KCND3: variants seen among roughly 807,000 people sequenced by gnomAD.
KCND3 encodes the protein potassium voltage-gated channel subfamily D member 3, also known as A-type voltage-gated potassium channel KCND3.
A neutral mutation model predicts 51.1 loss-of-function variants in KCND3; 9 were observed. The ratio of observed to expected loss-of-function variants is 0.18; its 90% CI spans 0.11 to 0.31. The LOEUF (loss-of-function observed/expected upper bound fraction) is 0.31. Among genes scored for constraint, KCND3 ranks in the 10% least tolerant of loss-of-function variants. KCND3 has a pLI of 1.00. For missense variants in KCND3, 526 were observed against 903.8 expected (o/e 0.58, Z 5.36); for synonymous variants, 349 against 368.0 (o/e 0.95, Z 0.59).
intron 2 of KCND3, among the ~76,000 whole-genome samples, chr1:111,857,285 G>C (rs779726220): frequency 6.6e-6 from 1 of 152,206 alleles, no homozygotes; most frequent in Non-Finnish European, 1.5e-5. Flanking sequence ...GCAGCCCTGG[G>C]CGTGGGGTCA....
chr1:111,959,798 G>T (rs185231862), intron 2 of KCND3, among the ~76,000 whole-genome samples: 26 of 152,184 alleles, frequency 1.7e-4, no homozygotes, highest in African/African-American at 6.3e-4. Flanking sequence ...ACAGTGAAAT[G>T]GTCTCACAGC....
chr1:111,847,489 C>G (rs79047514), intron 2 of KCND3, among the ~76,000 whole-genome samples: 2,284 of 152,132 alleles, frequency 0.015, 62 homozygotes, highest in African/African-American at 0.052. Flanking sequence ...CAGGGCAGCC[C>G]AGAATGCCAT....
At chr1:111,836,411 G>A (rs1324257824) in intron 2 of KCND3, among the ~76,000 whole-genome samples, 1 of 152,206 alleles carries the variant, frequency 6.6e-6, no homozygotes, top group Non-Finnish European at 1.5e-5. Context: ...ACTTTACAAA[G>A]AATCTTCTCA....
chr1:111,911,463 A>G (rs1258790560), intron 2 of KCND3, among the ~76,000 whole-genome samples: 1 of 152,248 alleles, frequency 6.6e-6, no homozygotes, highest in African/African-American at 2.4e-5. Context: ...ACAAGGGTGT[A>G]GTATAACAAA....
intron 2 of KCND3, among the ~76,000 whole-genome samples, chr1:111,831,396 A>T (rs1025199634): frequency 1.3e-4 from 20 of 152,148 alleles, no homozygotes; most frequent in African/African-American, 4.8e-4. Flanking sequence ...GTTGTTTAAA[A>T]GTGTGTAGCA....
At chr1:111,809,525 G>A (rs986571906) in intron 2 of KCND3, among the ~76,000 whole-genome samples, 4 of 152,064 alleles carry the variant, frequency 2.6e-5, no homozygotes, top group Non-Finnish European at 2.9e-5. Flanking sequence ...AGCCAGGATG[G>A]TCTCAATCTC....
At chr1:111,979,127 G>C (rs772622222) in intron 2 of KCND3, among the ~76,000 whole-genome samples, 15 of 152,150 alleles carry the variant, frequency 9.9e-5, no homozygotes, top group Non-Finnish European at 1.8e-4. Context: ...TGTCAGATGT[G>C]GGGTGAGGGA....
intron 2 of KCND3, among the ~76,000 whole-genome samples, chr1:111,908,454 G>A (rs1290478723): frequency 6.6e-6 from 1 of 152,218 alleles, no homozygotes; most frequent in African/African-American, 2.4e-5. Context: ...ACACTTGTAA[G>A]CTAGTAGGTG....
intron 2 of KCND3, among the ~76,000 whole-genome samples, chr1:111,828,852 C>T (rs977719881): frequency 2.0e-5 from 3 of 152,182 alleles, no homozygotes; most frequent in East Asian, 1.9e-4. Context: ...TTACCATGCT[C>T]ACAGCCCACT....
Position 111,780,158 on chromosome 1 carries a change from T to C in KCND3, c.1461+67A>G. 1 of 1,428,356 alleles carries C rather than the reference T, an allele frequency of 7.0e-7. No individual in the cohort carries two copies. The highest frequency in any genetic ancestry group is 9.7e-7 in the Non-Finnish European group (1 of 1,035,962). 88.5% of individuals were successfully genotyped at this position (1,428,356 alleles called of 1,614,324 possible). On this transcript the variant is annotated intron_variant, in intron 5 of 7. Coordinates refer to ENST00000302127, the MANE Select transcript of KCND3 (RefSeq NM_001378969.1). This position sits in a 1 kb window ranked among gnomAD's most constrained non-coding sequence, Gnocchi z 4.2. Reference sequence around the variant, plus strand: ...TGACTTCTGGCCCAGAGTGAAGATGTGAGTACAGCCTTAGAAAAGGGTCAG... The same window carrying C: ...TGACTTCTGGCCCAGAGTGAAGATGCGAGTACAGCCTTAGAAAAGGGTCAG...
At chr1:111,795,024 T>C (rs1411041620) in intron 2 of KCND3, among the ~76,000 whole-genome samples, 2 of 152,084 alleles carry the variant, frequency 1.3e-5, no homozygotes, top group Middle Eastern at 3.2e-3. Flanking sequence ...GCAGTCCTGG[T>C]AGAGAGCAAG....
At chr1:111,951,157 CAAAAAAAAA>C (rs71081206) in intron 2 of KCND3, among the ~76,000 whole-genome samples, 9,774 of 30,388 alleles carry the variant, frequency 0.32, 374 homozygotes, top group East Asian at 0.48. Context: ...CAAACAAGAG[CAAAAAAAAA>C]AAAAAAAAAA....
At chr1:111,821,145 G>C (rs1333973943) in intron 2 of KCND3, among the ~76,000 whole-genome samples, 1 of 152,186 alleles carries the variant, frequency 6.6e-6, no homozygotes, top group Non-Finnish European at 1.5e-5. Context: ...AGATCCGTGT[G>C]CTGTCTTCAG....
intron 2 of KCND3, among the ~76,000 whole-genome samples, chr1:111,954,079 G>A (rs11102362): frequency 2.6e-5 from 4 of 151,916 alleles, no homozygotes; most frequent in Non-Finnish European, 4.4e-5. Context: ...GCTGTGTCCC[G>A]CTCCCAAAGA....
chr1:111,987,878 T>G (rs1675378027), intron 1 of KCND3, among the ~76,000 whole-genome samples: 1 of 152,180 alleles, frequency 6.6e-6, no homozygotes, highest in African/African-American at 2.4e-5. Flanking sequence ...AAAAGAGGCA[T>G]TCAAAACAGG....
chr1:111,830,615 G>T (rs1426684430), intron 2 of KCND3, among the ~76,000 whole-genome samples: 1 of 152,126 alleles, frequency 6.6e-6, no homozygotes, highest in East Asian at 1.9e-4. Flanking sequence ...TGTAAGGCTG[G>T]TTTTCTTTAT....
At chr1:111,790,465 A>T (rs554888062) in intron 2 of KCND3, among the ~76,000 whole-genome samples, 1 of 152,230 alleles carries the variant, frequency 6.6e-6, no homozygotes, top group East Asian at 1.9e-4. Flanking sequence ...CATATTTCCC[A>T]TGCCCCAATG....
intron 2 of KCND3, among the ~76,000 whole-genome samples, chr1:111,794,863 C>G (rs1200960547): frequency 6.6e-6 from 1 of 152,178 alleles, no homozygotes; most frequent in Non-Finnish European, 1.5e-5. Flanking sequence ...GAAACTGAGG[C>G]ACAGAGTGGT....
At chr1:111,812,022 A>G (rs935968440) in intron 2 of KCND3, among the ~76,000 whole-genome samples, 1 of 152,188 alleles carries the variant, frequency 6.6e-6, no homozygotes, top group African/African-American at 2.4e-5. Context: ...CTGGAGGGTC[A>G]GTGTTCTCGT....
Sources: allele counts gnomAD v4.1 joint callset (sites outside exome capture counted in the v4.1 genomes callset), GRCh38; gene constraint gnomAD v4.1.1; non-coding constraint Gnocchi (gnomAD v3.1); transcripts MANE v1.5; gene names NCBI Gene and HGNC (gene_info 2026-07-23, HGNC 2026-07-21).